Variants in RBMS3 observed in about 807,000 individuals in gnomAD.
The protein encoded by RBMS3 is RNA-binding motif, single-stranded-interacting protein 3.
Under a neutral mutation model 66.8 loss-of-function variants are expected in RBMS3, and 27 were observed. The observed-to-expected ratio is 0.40, with a 90% CI of 0.30 to 0.56. RBMS3 has a LOEUF of 0.56. Among genes scored for constraint, RBMS3 ranks in the 20% least tolerant of loss-of-function variants. The probability of loss-of-function intolerance (pLI) is 0.40; values close to 1 mark genes in which losing one functional copy is unlikely to be tolerated. For synonymous variants in RBMS3, 188 were observed against 183.0 expected, an observed-to-expected ratio of 1.03 and a Z score of -0.22; for missense variants, 513 against 549.5, an observed-to-expected ratio of 0.93 and a Z score of 0.66.
chr3:29,714,427 A>G (rs911159668), intron 4 of RBMS3, among the ~76,000 whole-genome samples: 5 of 152,194 alleles, frequency 3.3e-5, no homozygotes, highest in Non-Finnish European at 7.3e-5. Context: ...GGGATGGGAC[A>G]GTATCTATGA....
intron 14 of RBMS3, among the ~76,000 whole-genome samples, chr3:30,001,390 A>G (rs1369717151): frequency 6.6e-6 from 1 of 151,366 alleles, no homozygotes; most frequent in Non-Finnish European, 1.5e-5. Context: ...ACGTTCCAAT[A>G]TATTCACTGT....
intron 8 of RBMS3, among the ~76,000 whole-genome samples, chr3:29,895,816 A>G (rs1012671655): frequency 6.6e-6 from 1 of 151,542 alleles, no homozygotes; most frequent in Non-Finnish European, 1.5e-5. Flanking sequence ...GCTGTTTTCC[A>G]AAATGGGTGT....
At chr3:29,456,487 C>T (rs566333418) in intron 2 of RBMS3, among the ~76,000 whole-genome samples, 1 of 152,306 alleles carries the variant, frequency 6.6e-6, no homozygotes, top group African/African-American at 2.4e-5. Context: ...TGATAATTCA[C>T]TCCGGAGAAC....
chr3:29,287,326 TC>T (rs1222416645), intron 1 of RBMS3, among the ~76,000 whole-genome samples: 1 of 152,098 alleles, frequency 6.6e-6, no homozygotes, highest in African/African-American at 2.4e-5. Context: ...GAGTACACAT[TC>T]AAAAAGCAAA....
At chr3:29,532,264 A>ATATATG (rs1228007147) in intron 3 of RBMS3, among the ~76,000 whole-genome samples, 14 of 126,664 alleles carry the variant, frequency 1.1e-4, no homozygotes, top group African/African-American at 3.9e-4. Flanking sequence ...ATATATATGT[A>ATATATG]TATATATATA....
At chr3:29,777,987 T>C (rs760940088) in intron 6 of RBMS3, among the ~76,000 whole-genome samples, 11 of 151,884 alleles carry the variant, frequency 7.2e-5, no homozygotes, top group Non-Finnish European at 1.2e-4. Flanking sequence ...TAAATACTTA[T>C]ACTCTTTTTC....
At chr3:29,996,501 T>G (rs1291820709) in intron 14 of RBMS3, among the ~76,000 whole-genome samples, 2 of 149,946 alleles carry the variant, frequency 1.3e-5, no homozygotes, top group Non-Finnish European at 3.0e-5. Context: ...ATTCCAAAAT[T>G]GACCACATAC....
chr3:29,552,026 G>T (rs1366356816), intron 3 of RBMS3, among the ~76,000 whole-genome samples: 1 of 152,010 alleles, frequency 6.6e-6, no homozygotes, highest in Non-Finnish European at 1.5e-5. Flanking sequence ...AAGAAACACT[G>T]CATGACAAAT....
intron 14 of RBMS3, among the ~76,000 whole-genome samples, chr3:30,002,129 A>G (rs76764952): frequency 0.085 from 12,873 of 152,022 alleles, 934 homozygotes; most frequent in South Asian, 0.2. Context: ...GGAGAGGGCT[A>G]TTGGAAACAT....
intron 2 of RBMS3, among the ~76,000 whole-genome samples, chr3:29,483,603 G>A (rs113594909): frequency 0.012 from 1,780 of 152,266 alleles, 19 homozygotes; most frequent in South Asian, 0.043. Flanking sequence ...CACTTACTTT[G>A]AGTATATCAA....
intron 4 of RBMS3, among the ~76,000 whole-genome samples, chr3:29,702,965 G>C (rs777453424): frequency 4.6e-5 from 7 of 152,232 alleles, no homozygotes; most frequent in Non-Finnish European, 1.0e-4. Context: ...AAGCCCTAGA[G>C]TGGTTAATGA....
At chr3:29,492,384 A>G (rs2148920810) in intron 3 of RBMS3, among the ~76,000 whole-genome samples, 1 of 152,184 alleles carries the variant, frequency 6.6e-6, no homozygotes, top group Middle Eastern at 3.4e-3. Context: ...ATGATGACCA[A>G]GGGAATAATA....
At chr3:29,960,232 C>A (rs917526520) in intron 12 of RBMS3, among the ~76,000 whole-genome samples, 38 of 152,296 alleles carry the variant, frequency 2.5e-4, no homozygotes, top group African/African-American at 8.2e-4. Context: ...GGACTACAGA[C>A]CCCATGAAAG....
chr3:29,603,197 C>T (rs7619642), intron 4 of RBMS3, among the ~76,000 whole-genome samples: 22,179 of 151,868 alleles, frequency 0.15, 1,849 homozygotes, highest in East Asian at 0.32. Context: ...GAAATAACTC[C>T]ATGTGGTAGT....
intron 4 of RBMS3, among the ~76,000 whole-genome samples, chr3:29,721,160 A>T (rs1361740415): frequency 6.6e-6 from 1 of 152,164 alleles, no homozygotes; most frequent in East Asian, 1.9e-4. Context: ...TTTTGGTTAT[A>T]CAAGTTAGCT....
At chr3:29,446,146 C>G (rs6784776) in intron 2 of RBMS3, among the ~76,000 whole-genome samples, 1 of 152,026 alleles carries the variant, frequency 6.6e-6, no homozygotes, top group Non-Finnish European at 1.5e-5. Context: ...AAGAGTAGCA[C>G]AGAATTTTGA....
intron 7 of RBMS3, among the ~76,000 whole-genome samples, chr3:29,883,694 A>C (rs1355708331): frequency 6.6e-6 from 1 of 151,898 alleles, no homozygotes; most frequent in African/African-American, 2.4e-5. Flanking sequence ...TTACCTACAA[A>C]CCCCTTAGGC....
At chr3:29,374,692 G>A (rs185500322) in intron 1 of RBMS3, among the ~76,000 whole-genome samples, 94 of 152,264 alleles carry the variant, frequency 6.2e-4, no homozygotes, top group Admixed American at 1.6e-3. Context: ...TTTTCAACTC[G>A]TGATATTTTC....
At chr3:29,776,281 G>C (rs1372229783) in intron 6 of RBMS3, among the ~76,000 whole-genome samples, 1 of 151,864 alleles carries the variant, frequency 6.6e-6, no homozygotes, top group East Asian at 1.9e-4. Context: ...CTTTGCCTTT[G>C]GAATCAGATG....
Sources: gnomAD v4.1 joint callset for allele counts (sites outside exome capture counted in the v4.1 genomes callset) on GRCh38, gnomAD v4.1.1 for gene constraint, MANE v1.5 for transcripts, NCBI Gene and HGNC (gene_info 2026-07-23, HGNC 2026-07-21) for gene names.